The following C5orf22 variants were observed in gnomAD, a reference collection of about 807,000 sequenced individuals.
The protein encoded by C5orf22 is chromosome 5 open reading frame 22.
C5orf22 carries 36 observed loss-of-function variants against 48.7 expected under a neutral mutation model. That is an observed-to-expected ratio of 0.74 (90% CI 0.57 to 0.98). C5orf22 has a LOEUF of 0.98. Ranked by LOEUF, C5orf22 falls within the 50% of genes least tolerant of loss-of-function variation. The pLI is 0.00. For synonymous variants in C5orf22, 141 were observed against 180.8 expected, an observed-to-expected ratio of 0.78 and a Z score of 1.76; for missense variants, 486 against 521.9, an observed-to-expected ratio of 0.93 and a Z score of 0.67.
At chr5:31,534,874 T>A (rs2150070879) in intron 2 of C5orf22, 2 of 382,562 alleles carry the variant, frequency 5.2e-6, no homozygotes, top group South Asian at 4.0e-5. Context: ...CCAGACCCCA[T>A]CTCTTAAAAG....
chr5:31,540,920 G>T lies in C5orf22; in HGVS notation c.808-29G>T, dbSNP rs763190322. The T allele has an allele frequency of 3.4e-5, 52 of 1,541,996 alleles. No homozygotes were observed. The Admixed American group carries it at 8.2e-4, about 24-fold the overall frequency. Reference sequence around the variant, plus strand: ...AAAAATTTTAACTTTTTTTTTTCTGGTATGTGGATTTTTTGTTTTGTTTTC... The same window carrying T: ...AAAAATTTTAACTTTTTTTTTTCTGTTATGTGGATTTTTTGTTTTGTTTTC... On this transcript the variant is annotated intron_variant, in intron 4 of 8. Transcript: ENST00000325366.
chr5:31,538,256 T>G lies in C5orf22; in HGVS notation c.378-4T>G. On this transcript the variant is annotated splice_region_variant and splice_polypyrimidine_tract_variant and intron_variant, in intron 3 of 8. Coordinates refer to ENST00000325366, the MANE Select transcript of C5orf22 (RefSeq NM_018356.3). ...CTTAAAAATCGTTTTTTCCTCTGAT[T>G]CAGGGTTACAAGTACAGATCATTAT... is the stretch of plus-strand genomic sequence containing the variant. 1 of 1,565,002 alleles carries G rather than the reference T, an allele frequency of 6.4e-7. No individual in the cohort carries two copies. Among genetic ancestry groups the G allele is most frequent in the South Asian group, 1.2e-5 (1 of 84,818 alleles).
chr5:31,536,380 G>A (rs761901148), intron 3 of C5orf22, among the ~76,000 whole-genome samples: 8 of 152,058 alleles, frequency 5.3e-5, no homozygotes, highest in Admixed American at 2.0e-4. Flanking sequence ...CAAATTAGCC[G>A]GGCGTGGTGG....
intron 7 of C5orf22, 53 bp downstream of exon 7, chr5:31,545,765 T>C (rs899629994): frequency 1.1e-5 from 13 of 1,186,412 alleles, no homozygotes; most frequent in Non-Finnish European, 1.6e-5. Context: ...GACAATTTTC[T>C]GGGTAGAAGA....
intron 6 of C5orf22, among the ~76,000 whole-genome samples, chr5:31,542,031 A>T (rs954429132): frequency 5.9e-5 from 9 of 152,300 alleles, no homozygotes; most frequent in Non-Finnish European, 1.0e-4. Context: ...TAAATATGAG[A>T]TACTATACAA....
In C5orf22 at chr5:31,532,488, A is replaced by G. The variant is rs370488952; in HGVS notation, c.81+15A>G. The G allele has an allele frequency of 6.2e-7, 1 of 1,609,716 alleles. No homozygotes were observed. Among genetic ancestry groups the G allele is most frequent in the Non-Finnish European group, 8.5e-7 (1 of 1,176,712 alleles). On this transcript the variant is annotated intron_variant, in intron 1 of 8. Coordinates refer to ENST00000325366, the MANE Select transcript of C5orf22 (RefSeq NM_018356.3). ...ATCATCAGGAGGTGAGCGGACGGCA[A>G]CAGGGCTCTGGGGCAGAATCAGCGG...
chr5:31,547,004 A>C (rs185920755), intron 7 of C5orf22, among the ~76,000 whole-genome samples: 5 of 152,352 alleles, frequency 3.3e-5, no homozygotes, highest in Admixed American at 2.6e-4. Context: ...CTCATCTGAG[A>C]CAAGGCAAGT....
intron 3 of C5orf22, among the ~76,000 whole-genome samples, chr5:31,537,078 G>A (rs1742140841): frequency 6.6e-6 from 1 of 152,184 alleles, no homozygotes; most frequent in South Asian, 2.1e-4. Context: ...TTAAGACTCA[G>A]CATATAAATA....
Position 31,551,443 on chromosome 5 carries a change from T to C in C5orf22, c.1199+11T>C, listed in dbSNP as rs758860860. 1 of 1,602,078 alleles carries C rather than the reference T, an allele frequency of 6.2e-7. No homozygotes were observed. Among genetic ancestry groups the C allele is most frequent in the Non-Finnish European group, 8.5e-7 (1 of 1,173,754 alleles). On this transcript the variant is annotated intron_variant, in intron 8 of 8. Coordinates refer to ENST00000325366, the MANE Select transcript of C5orf22 (RefSeq NM_018356.3). ...TGTGACAATTGCAAGGTAAGTGTGT[T>C]CAGCAGAATAATGGCAAATCAGAGA...
chr5:31,534,486 T>C (rs968287985), intron 2 of C5orf22, 69 bp downstream of exon 2: 26 of 1,393,160 alleles, frequency 1.9e-5, no homozygotes, highest in Non-Finnish European at 2.6e-5. Context: ...TAAGCAATTA[T>C]AGGAAATAGA....
At chr5:31,541,255 A>G (rs1416512028) in intron 5 of C5orf22, 26 bp from the exon 6 acceptor site, 4 of 1,603,762 alleles carry the variant, frequency 2.5e-6, no homozygotes, top group African/African-American at 1.3e-5. Flanking sequence ...TAACTATATA[A>G]TCTCAGCTTT....
intron 8 of C5orf22, among the ~76,000 whole-genome samples, chr5:31,552,107 A>G (rs1743312931): frequency 6.6e-6 from 1 of 152,328 alleles, no homozygotes; most frequent in Admixed American, 6.5e-5. Context: ...TGGTTAATCC[A>G]GTTGTAACTG....
At position 31,547,105 on chromosome 5, in the gene C5orf22, C is replaced by G. The variant is rs1262599959; in HGVS notation, c.1059+1393C>G. Reference sequence around the variant, plus strand: ...CAAGAATTGGGTAAATACAACCGTTCTAAATGGGAGGAATTGGCCCAAAGG... The same window carrying G: ...CAAGAATTGGGTAAATACAACCGTTGTAAATGGGAGGAATTGGCCCAAAGG... On this transcript the variant is annotated intron_variant, in intron 7 of 8. Coordinates refer to ENST00000325366, the MANE Select transcript of C5orf22 (RefSeq NM_018356.3). Among the ~76,000 whole-genome samples the G allele has an allele frequency of 2.6e-5, 4 of 152,198 alleles. No individual in the cohort carries two copies. The East Asian group carries it at 7.7e-4, about 29-fold the overall frequency.
intron 2 of C5orf22, chr5:31,535,068 G>T: frequency 6.7e-6 from 3 of 445,006 alleles, no homozygotes; most frequent in South Asian, 1.6e-5. Context: ...AATTGGAAAA[G>T]GAAAGAATAT....
chr5:31,549,111 C>G (rs765745662), intron 7 of C5orf22, among the ~76,000 whole-genome samples: 2 of 152,018 alleles, frequency 1.3e-5, no homozygotes, highest in Non-Finnish European at 2.9e-5. Flanking sequence ...CCCAGCTACT[C>G]GGGAGGCTGA....
In C5orf22 at chr5:31,538,253, G is replaced by T; in HGVS notation, c.378-7G>T. 6.4e-7 allele frequency: 1 copy of T among 1,560,980 alleles called. No homozygotes were observed. Among genetic ancestry groups the T allele is most frequent in the South Asian group, 1.2e-5 (1 of 83,912 alleles). On this transcript the variant is annotated splice_region_variant and splice_polypyrimidine_tract_variant and intron_variant, in intron 3 of 8. Transcript: ENST00000325366. ...CTTCTTAAAAATCGTTTTTTCCTCT[G>T]ATTCAGGGTTACAAGTACAGATCAT...
At chr5:31,544,705 G>A (rs1316992796) in intron 6 of C5orf22, among the ~76,000 whole-genome samples, 1 of 152,188 alleles carries the variant, frequency 6.6e-6, no homozygotes, top group African/African-American at 2.4e-5. Context: ...GGAGGCTAAG[G>A]TGGAAGGCTT....
chr5:31,539,084 G>GA (rs914763440), intron 4 of C5orf22, among the ~76,000 whole-genome samples: 52 of 151,220 alleles, frequency 3.4e-4, no homozygotes, highest in Middle Eastern at 3.4e-3. Flanking sequence ...GAAATATTCA[G>GA]AAAAAATAAA....
intron 6 of C5orf22, among the ~76,000 whole-genome samples, chr5:31,541,922 T>C (rs1364388330): frequency 6.6e-6 from 1 of 151,882 alleles, no homozygotes; most frequent in African/African-American, 2.4e-5. Flanking sequence ...TTTATTATTA[T>C]TATGTCAATT....
Sources: gnomAD v4.1 joint callset for allele counts (sites outside exome capture counted in the v4.1 genomes callset) on GRCh38, gnomAD v4.1.1 for gene constraint, MANE v1.5 for transcripts, NCBI Gene and HGNC (gene_info 2026-07-23, HGNC 2026-07-21) for gene names.